VPS35L: variants seen among roughly 807,000 people sequenced by gnomAD.
The protein encoded by VPS35L is VPS35 endosomal protein-sorting factor-like.
Under a neutral mutation model 133.0 loss-of-function variants are expected in VPS35L, and 83 were observed. The observed-to-expected ratio is 0.62, with a 90% CI of 0.52 to 0.75. VPS35L has a LOEUF of 0.75. Among genes scored for constraint, VPS35L ranks in the 30% least tolerant of loss-of-function variants. The pLI, the probability that VPS35L is intolerant of heterozygous loss-of-function variation, is 0.00. For synonymous variants in VPS35L, 423 were observed against 449.9 expected, an observed-to-expected ratio of 0.94 and a Z score of 0.76; for missense variants, 1,083 against 1,206.8, an observed-to-expected ratio of 0.90 and a Z score of 1.52.
At chr16:19,581,788 T>C in intron 7 of VPS35L, 135 bp downstream of exon 7, 1 of 1,041,360 alleles carries the variant, frequency 9.6e-7, no homozygotes, top group Non-Finnish European at 1.4e-6. Flanking sequence ...ATATACTTCC[T>C]GTGAAAAGCC....
intron 8 of VPS35L, among the ~76,000 whole-genome samples, chr16:19,600,117 C>T (rs1475988709): frequency 6.6e-6 from 1 of 152,120 alleles, no homozygotes; most frequent in East Asian, 1.9e-4. Context: ...TGGGTGGAAC[C>T]TCTTAGCTTG....
At chr16:19,650,528 A>G (rs1281095476) in intron 25 of VPS35L, 69 bp downstream of exon 25, 1 of 1,240,062 alleles carries the variant, frequency 8.1e-7, no homozygotes, top group Non-Finnish European at 1.2e-6. Context: ...AGGTTACTAA[A>G]TTACATTTCC....
intron 28 of VPS35L, among the ~76,000 whole-genome samples, chr16:19,685,169 T>A (rs770956962): frequency 2.6e-5 from 4 of 152,058 alleles, no homozygotes; most frequent in Non-Finnish European, 4.4e-5. Flanking sequence ...ACAGTCCAGA[T>A]CAAGAAATAG....
chr16:19,689,098 G>C (rs984330054), intron 28 of VPS35L, among the ~76,000 whole-genome samples: 1 of 150,036 alleles, frequency 6.7e-6, no homozygotes, highest in Non-Finnish European at 1.5e-5. Flanking sequence ...GAGTGCAGGA[G>C]CGTGCCAGTA....
intron 27 of VPS35L, among the ~76,000 whole-genome samples, chr16:19,678,407 G>A (rs995539057): frequency 2.0e-5 from 3 of 149,274 alleles, no homozygotes; most frequent in Admixed American, 6.7e-5. Context: ...ATCCAGAACC[G>A]TTTTCTTTGT....
At chr16:19,582,179 C>T (rs1971733074) in intron 7 of VPS35L, 2 of 152,486 alleles carry the variant, frequency 1.3e-5, no homozygotes, top group Admixed American at 1.3e-4. Context: ...AAGCCAGTGA[C>T]AATTCTTGAA....
intron 20 of VPS35L, among the ~76,000 whole-genome samples, chr16:19,638,695 C>A (rs113872509): frequency 2.6e-5 from 4 of 152,192 alleles, no homozygotes; most frequent in Non-Finnish European, 5.9e-5. Flanking sequence ...AAGTGACTAA[C>A]GAGCAGGTAG....
At chr16:19,679,339 C>G (rs1975177601) in intron 27 of VPS35L, among the ~76,000 whole-genome samples, 1 of 151,058 alleles carries the variant, frequency 6.6e-6, no homozygotes, top group African/African-American at 2.4e-5. Context: ...CTCTGTCACC[C>G]AGGCTGGAGT....
intron 7 of VPS35L, among the ~76,000 whole-genome samples, chr16:19,584,833 A>G (rs1971815940): frequency 6.6e-6 from 1 of 152,046 alleles, no homozygotes; most frequent in South Asian, 2.1e-4. Flanking sequence ...CTGGGACTAT[A>G]GGCACATACC....
chr16:19,629,400 A>AT (rs201451090), intron 17 of VPS35L, among the ~76,000 whole-genome samples: 3,623 of 152,248 alleles, frequency 0.024, 88 homozygotes, highest in African/African-American at 0.056. Context: ...AATTTCTTTG[A>AT]TTTTTTAAAA....
intron 26 of VPS35L, among the ~76,000 whole-genome samples, chr16:19,663,299 C>G (rs1021491363): frequency 5.9e-5 from 9 of 152,040 alleles, no homozygotes; most frequent in Non-Finnish European, 1.2e-4. Flanking sequence ...AGCAAAGTCT[C>G]AATAATAATA....
intron 5 of VPS35L, among the ~76,000 whole-genome samples, chr16:19,576,181 CAA>C (rs375230062): frequency 7.7e-6 from 1 of 130,628 alleles, no homozygotes. Context: ...AAAAAAAAAA[CAA>C]AAAAAAAAAA....
At chr16:19,668,591 AGTGTGTGTGTGT>A (rs35546511) in intron 26 of VPS35L, among the ~76,000 whole-genome samples, 7 of 147,402 alleles carry the variant, frequency 4.7e-5, no homozygotes, top group Non-Finnish European at 7.5e-5. Flanking sequence ...CTTTAAGCTG[AGTGTGTGTGTGT>A]GTGTGTGTGT....
intron 1 of VPS35L, among the ~76,000 whole-genome samples, chr16:19,559,925 T>G (rs1006570026): frequency 1.3e-5 from 2 of 152,114 alleles, no homozygotes; most frequent in Non-Finnish European, 2.9e-5. Context: ...TGACCTCAGG[T>G]GACCCACCCA....
chr16:19,589,307 G>A (rs1447866194), intron 7 of VPS35L, among the ~76,000 whole-genome samples: 7 of 152,056 alleles, frequency 4.6e-5, no homozygotes, highest in Non-Finnish European at 7.4e-5. Context: ...GCAGTGGGGC[G>A]GTCTCGGCTC....
rs73533716 is a variant in VPS35L, at chr16:19,589,312, C to T, written c.640-2478C>T. 6.0e-3 allele frequency among the ~76,000 whole-genome samples: 907 copies of T among 152,194 alleles called. 10 individuals carry two copies. The highest frequency in any genetic ancestry group is 0.02 in the African/African-American group (838 of 41,520). ...AGACTGGAGTGCAGTGGGGCGGTCT[C>T]GGCTCACTGCAACTTCTGCTTCCCT... is the stretch of plus-strand genomic sequence containing the variant. On this transcript the variant is annotated intron_variant, in intron 7 of 30. Transcript: ENST00000417362.
At chr16:19,669,424 T>A in intron 27 of VPS35L, 125 bp downstream of exon 27, 1 of 1,224,772 alleles carries the variant, frequency 8.2e-7, no homozygotes, top group Non-Finnish European at 1.1e-6. Flanking sequence ...GTTTTCCAGT[T>A]AGGTATTTGA....
At position 19,627,681 on chromosome 16, in the gene VPS35L, CTG is replaced by C; in HGVS notation, c.1272-9_1272-8del. ...GGAGAAGCCAGGCTGACTTGGGGAT[CTG>C]TGTCTTGCAGTGCCTTGCTGTTGAA... On this transcript the variant is annotated splice_polypyrimidine_tract_variant and intron_variant, in intron 15 of 30. Coordinates refer to ENST00000417362, the MANE Select transcript of VPS35L (RefSeq NM_020314.7). 2 of 1,593,648 alleles carry C rather than the reference CTG, an allele frequency of 1.3e-6. No homozygotes were observed. Among genetic ancestry groups the C allele is most frequent in the Non-Finnish European group, 1.7e-6 (2 of 1,161,714 alleles).
chr16:19,567,288 C>T (rs1971218550), intron 2 of VPS35L, among the ~76,000 whole-genome samples: 2 of 152,178 alleles, frequency 1.3e-5, no homozygotes, highest in African/African-American at 4.8e-5. Flanking sequence ...GCAACATCAG[C>T]AGCAGGAAAA....
Sources: allele counts gnomAD v4.1 joint callset (sites outside exome capture counted in the v4.1 genomes callset), GRCh38; gene constraint gnomAD v4.1.1; transcripts MANE v1.5; gene names NCBI Gene and HGNC (gene_info 2026-07-23, HGNC 2026-07-21).